ZPBP: variants seen among roughly 807,000 people sequenced by gnomAD.
The protein encoded by ZPBP is zona pellucida-binding protein 1.
ZPBP carries 26 observed loss-of-function variants against 44.8 expected under a neutral mutation model. The ratio of observed to expected loss-of-function variants is 0.58; its 90% CI spans 0.43 to 0.81. The LOEUF is 0.81. Among genes scored for constraint, ZPBP ranks in the 30% least tolerant of loss-of-function variants. ZPBP has a pLI of 0.00. For synonymous variants in ZPBP, 174 were observed against 153.2 expected (o/e 1.14, Z -1.00); for missense variants, 409 against 434.0 (o/e 0.94, Z 0.51).
chr7:49,939,085 A>G (rs143939563), intron 7 of ZPBP, among the ~76,000 whole-genome samples: 2 of 152,294 alleles, frequency 1.3e-5, no homozygotes, highest in African/African-American at 4.8e-5. Context: ...TGAATTGGTA[A>G]TGTACACAGT....
chr7:49,978,034 T>C (rs1225802481), intron 7 of ZPBP, among the ~76,000 whole-genome samples: 1 of 151,584 alleles, frequency 6.6e-6, no homozygotes, highest in Admixed American at 6.6e-5. Context: ...GGGTATTATG[T>C]CAAAGAATGC....
At chr7:50,066,851 G>A (rs1801529071) in intron 3 of ZPBP, among the ~76,000 whole-genome samples, 1 of 152,088 alleles carries the variant, frequency 6.6e-6, no homozygotes, top group Non-Finnish European at 1.5e-5. Flanking sequence ...CTTACCAGTG[G>A]CTGGGTTTCA....
chr7:50,019,033 C>T (rs1414944448), intron 5 of ZPBP, among the ~76,000 whole-genome samples: 1 of 151,994 alleles, frequency 6.6e-6, no homozygotes, highest in African/African-American at 2.4e-5. Flanking sequence ...AATCTGATTT[C>T]TAGCCTGAGT....
intron 6 of ZPBP, among the ~76,000 whole-genome samples, chr7:49,996,357 G>C (rs1305998843): frequency 6.6e-6 from 1 of 151,972 alleles, no homozygotes; most frequent in Non-Finnish European, 1.5e-5. Flanking sequence ...AGATGGACCT[G>C]AACTAAAACT....
At chr7:49,911,503 AT>A (rs1793432962) in intron 1 of ZPBP, among the ~76,000 whole-genome samples, 2 of 149,690 alleles carry the variant, frequency 1.3e-5, no homozygotes, top group Admixed American at 1.4e-4. Flanking sequence ...AAAAAAAAAA[AT>A]TAAATGGCAT....
chr7:49,871,872 TATATA>T lies in ZPBP; in HGVS notation n.510-21363_510-21359del, dbSNP rs1007215097. Reference sequence around the variant, plus strand: ...GTATGCATATACATACATATGTGCATATATAATGTTTTTTGTATGTATATGTGTGT... The same window carrying T: ...GTATGCATATACATACATATGTGCATATGTTTTTTGTATGTATATGTGTGT... On this transcript the variant is annotated intron_variant and non_coding_transcript_variant, in intron 2 of 2. Transcript: ENST00000465922. Among the ~76,000 whole-genome samples, 24 of 146,546 alleles carry T rather than the reference TATATA, an allele frequency of 1.6e-4. 1 individual carries two copies. Among genetic ancestry groups the T allele is most frequent in the Admixed American group, 1.1e-3 (16 of 14,776 alleles).
chr7:50,022,707 A>G (rs1799153889), intron 5 of ZPBP, among the ~76,000 whole-genome samples: 2 of 152,098 alleles, frequency 1.3e-5, no homozygotes, highest in South Asian at 4.1e-4. Context: ...AACTTTTCTT[A>G]GACCCATCAG....
chr7:49,904,886 C>T (rs1406516203), intron 1 of ZPBP, among the ~76,000 whole-genome samples: 2 of 151,942 alleles, frequency 1.3e-5, no homozygotes, highest in Non-Finnish European at 2.9e-5. Context: ...TAGGCACCTG[C>T]CACTGCACCT....
At chr7:49,866,163 C>G (rs886106816) in intron 2 of ZPBP, among the ~76,000 whole-genome samples, 2 of 152,190 alleles carry the variant, frequency 1.3e-5, no homozygotes, top group African/African-American at 4.8e-5. Context: ...ACAATTCCTT[C>G]TTTGGATTGT....
At chr7:49,981,065 A>G (rs1439293073) in intron 7 of ZPBP, among the ~76,000 whole-genome samples, 1 of 149,606 alleles carries the variant, frequency 6.7e-6, no homozygotes, top group Non-Finnish European at 1.5e-5. Context: ...AGGAAATAGA[A>G]TACAAATTAA....
At chr7:49,894,133 C>T (rs1285351685) in intron 2 of ZPBP, among the ~76,000 whole-genome samples, 1 of 150,066 alleles carries the variant, frequency 6.7e-6, no homozygotes, top group Non-Finnish European at 1.5e-5. Context: ...ACATAGACAC[C>T]TATGTGTGTC....
intron 1 of ZPBP, among the ~76,000 whole-genome samples, chr7:49,925,136 G>A (rs1583852205): frequency 6.6e-6 from 1 of 152,202 alleles, no homozygotes; most frequent in Admixed American, 6.5e-5. Flanking sequence ...CTCCTGTGCT[G>A]AGAAGTGGTC....
At chr7:49,866,140 G>A (rs1790881561) in intron 2 of ZPBP, among the ~76,000 whole-genome samples, 1 of 151,972 alleles carries the variant, frequency 6.6e-6, no homozygotes, top group Non-Finnish European at 1.5e-5. Context: ...TCTAAATTCT[G>A]CTTCTAAGCC....
At chr7:49,959,574 A>C (rs181031651) in intron 7 of ZPBP, among the ~76,000 whole-genome samples, 2 of 152,284 alleles carry the variant, frequency 1.3e-5, no homozygotes, top group East Asian at 3.9e-4. Flanking sequence ...ATCTGAAATG[A>C]AAACTACAAA....
chr7:50,055,293 CAAAT>C (rs1235701914), intron 4 of ZPBP, among the ~76,000 whole-genome samples: 1 of 152,036 alleles, frequency 6.6e-6, no homozygotes, highest in Non-Finnish European at 1.5e-5. Context: ...GAAGAACACT[CAAAT>C]AAAATCTGAA....
chr7:49,856,620 G>A (rs1443277624), intron 2 of ZPBP, among the ~76,000 whole-genome samples: 3 of 152,292 alleles, frequency 2.0e-5, no homozygotes, highest in Admixed American at 1.3e-4. Flanking sequence ...AATTTGGTGA[G>A]TTTGGACATA....
At chr7:50,030,657 A>G (rs1308881088) in intron 5 of ZPBP, among the ~76,000 whole-genome samples, 1 of 152,028 alleles carries the variant, frequency 6.6e-6, no homozygotes, top group Non-Finnish European at 1.5e-5. Flanking sequence ...ATAAAGATAA[A>G]TATAAAGATA....
At chr7:49,883,839 G>C (rs1001910031) in intron 2 of ZPBP, among the ~76,000 whole-genome samples, 4 of 152,188 alleles carry the variant, frequency 2.6e-5, no homozygotes, top group Non-Finnish European at 5.9e-5. Flanking sequence ...ACATACCCTA[G>C]TGAATGTTTG....
At chr7:50,059,726 TAA>T (rs1259128351) in intron 3 of ZPBP, among the ~76,000 whole-genome samples, 2 of 152,118 alleles carry the variant, frequency 1.3e-5, no homozygotes, top group African/African-American at 2.4e-5. Flanking sequence ...AAGCAATTAA[TAA>T]GTGTATCAAA....
Sources: allele counts gnomAD v4.1 joint callset (sites outside exome capture counted in the v4.1 genomes callset), GRCh38; gene constraint gnomAD v4.1.1; transcripts MANE v1.5; gene names NCBI Gene and HGNC (gene_info 2026-07-23, HGNC 2026-07-21).